Variants in SHOC2 observed in about 807,000 individuals in gnomAD.
SHOC2 encodes leucine-rich repeat protein SHOC-2.
A neutral mutation model predicts 50.2 loss-of-function variants in SHOC2; 4 were observed. The ratio of observed to expected loss-of-function variants is 0.08; its 90% CI spans 0.04 to 0.18. The LOEUF (loss-of-function observed/expected upper bound fraction) is 0.18, where lower values mean the gene tolerates loss of function less well. Among genes scored for constraint, SHOC2 ranks in the 10% least tolerant of loss-of-function variants. The pLI is 1.00. For synonymous variants in SHOC2, 218 were observed against 244.5 expected, an observed-to-expected ratio of 0.89 and a Z score of 1.01; for missense variants, 388 against 669.6, an observed-to-expected ratio of 0.58 and a Z score of 4.64.
At chr10:111,010,545 G>C (rs936080437) in intron 8 of SHOC2, among the ~76,000 whole-genome samples, 1 of 152,092 alleles carries the variant, frequency 6.6e-6, no homozygotes, top group East Asian at 1.9e-4. Flanking sequence ...GGTAGCGGGA[G>C]GGGGGAAGGA....
intron 1 of SHOC2, among the ~76,000 whole-genome samples, chr10:110,959,534 A>G (rs954585436): frequency 2.0e-5 from 3 of 152,146 alleles, no homozygotes; most frequent in Admixed American, 6.5e-5. Context: ...AAATAGTTAG[A>G]TTGTACCTTT....
rs199735735 is a variant in SHOC2, at chr10:110,920,453, T to C, written c.-235+796T>C. On this transcript the variant is annotated intron_variant, in intron 1 of 8. Transcript: ENST00000369452. ...CTCAATATCCATTGTTTTTGTACCATCCCCCTCCCCCCATGCCTAGGTGGA... is the reference window on the plus strand; with the variant it reads ...CTCAATATCCATTGTTTTTGTACCACCCCCCTCCCCCCATGCCTAGGTGGA... Among the ~76,000 whole-genome samples the C allele has an allele frequency of 3.5e-4, 53 of 152,138 alleles. No individual in the cohort carries two copies. In the East Asian group the frequency reaches 9.4e-3, roughly 27 times the overall value.
At chr10:110,972,574 A>G (rs1847802806) in intron 2 of SHOC2, among the ~76,000 whole-genome samples, 1 of 152,144 alleles carries the variant, frequency 6.6e-6, no homozygotes, top group Non-Finnish European at 1.5e-5. Context: ...TAAAGGAGGC[A>G]AAAAAACAAC....
At chr10:110,957,876 CTT>C (rs1847496849) in intron 1 of SHOC2, among the ~76,000 whole-genome samples, 3 of 152,168 alleles carry the variant, frequency 2.0e-5, no homozygotes, top group Admixed American at 1.3e-4. Flanking sequence ...CCTTAGCAAA[CTT>C]TGCCTTTCAT....
chr10:111,012,569 G>A lies in SHOC2; in HGVS notation c.*751G>A, dbSNP rs1848586355. The stretch of plus-strand genomic sequence containing the variant: ...GGGAAGGGTATTGAGACCTTTTCTA[G>A]TATGAATATTTTTTAAGTTTGGGGG... On this transcript the variant is annotated 3_prime_UTR_variant, in exon 9 of 9. Transcript: ENST00000369452. The A allele has an allele frequency of 6.6e-6, 1 of 152,148 alleles. No individual in the cohort carries two copies. Among genetic ancestry groups the A allele is most frequent in the African/African-American group, 2.4e-5 (1 of 41,422 alleles). The allele number at this position is 152,148 out of a possible 1,614,324, so 9.4% of individuals were successfully genotyped here.
At chr10:110,974,296 G>T (rs1378950357) in intron 2 of SHOC2, among the ~76,000 whole-genome samples, 1 of 151,960 alleles carries the variant, frequency 6.6e-6, no homozygotes, top group Non-Finnish European at 1.5e-5. Flanking sequence ...CCAAATATAT[G>T]AGAGAGATTT....
In SHOC2 at chr10:110,964,363, G is replaced by A; in HGVS notation, c.5G>A (p.Ser2Asn). Reference sequence around the variant, plus strand: ...TTTGTCCAGGCTTGAGTCACCATGAGTAGTAGTTTAGGAAAAGAAAAAGAC... The same window carrying A: ...TTTGTCCAGGCTTGAGTCACCATGAATAGTAGTTTAGGAAAAGAAAAAGAC... Reference protein sequence around the residue: MSSSLGKEKDSK... With the variant: MNSSLGKEKDSK... Residue 2 changes from serine (S) to asparagine (N), a missense_variant, in exon 2 of 9, where the codon AGT becomes AAT. Coordinates refer to ENST00000369452, the MANE Select transcript of SHOC2 (RefSeq NM_007373.4). This position sits in a 1 kb window ranked among gnomAD's most constrained non-coding sequence, Gnocchi z 4.9. 1 of 1,613,006 alleles carries A rather than the reference G, an allele frequency of 6.2e-7. No individual in the cohort carries two copies. Among genetic ancestry groups the A allele is most frequent in the Non-Finnish European group, 8.5e-7 (1 of 1,179,518 alleles).
intron 5 of SHOC2, among the ~76,000 whole-genome samples, chr10:111,007,110 A>C (rs1191889276): frequency 6.6e-6 from 1 of 152,102 alleles, no homozygotes; most frequent in East Asian, 1.9e-4. Flanking sequence ...TCCTGAGCTC[A>C]TTCTGGTTTC....
At chr10:110,969,848 C>G (rs1279855084) in intron 2 of SHOC2, among the ~76,000 whole-genome samples, 4 of 152,188 alleles carry the variant, frequency 2.6e-5, no homozygotes, top group Middle Eastern at 3.4e-3. Context: ...GAACCCATAT[C>G]ATTTTCTTCA....
At chr10:110,927,824 GT>G (rs375806993) in intron 1 of SHOC2, among the ~76,000 whole-genome samples, 11 of 152,302 alleles carry the variant, frequency 7.2e-5, no homozygotes, top group African/African-American at 2.6e-4. Flanking sequence ...AATAAATCAA[GT>G]GGTAATGTTT....
rs748279926 is a variant in SHOC2, at chr10:110,937,154, A to T, written c.-235+17497A>T. ...GACCACCACCTTCCGGCCCAGCAGT[A>T]CCTGTTTAGCCACGATGGTCGCCAG... On this transcript the variant is annotated intron_variant, in intron 1 of 8. Transcript: ENST00000369452. 2.6e-6 allele frequency: 4 copies of T among 1,532,916 alleles called. No homozygotes were observed. The East Asian group carries it at 6.8e-5, about 26-fold the overall frequency. 95.0% of individuals were successfully genotyped at this position (1,532,916 alleles called of 1,614,324 possible).
intron 2 of SHOC2, among the ~76,000 whole-genome samples, chr10:110,982,545 A>G (rs570481197): frequency 9.4e-4 from 143 of 152,062 alleles, no homozygotes; most frequent in African/African-American, 3.3e-3. Context: ...AATGATTGCC[A>G]TTCTAACTGG....
At chr10:110,999,475 C>T (rs138429192) in intron 3 of SHOC2, among the ~76,000 whole-genome samples, 332 of 152,136 alleles carry the variant, frequency 2.2e-3, no homozygotes, top group African/African-American at 7.6e-3. Flanking sequence ...CAGTGGCTCA[C>T]GTCTGTAATC....
chr10:110,976,602 A>G (rs906726018), intron 2 of SHOC2, among the ~76,000 whole-genome samples: 2 of 152,122 alleles, frequency 1.3e-5, no homozygotes, highest in African/African-American at 4.8e-5. Flanking sequence ...ATGAGCCACT[A>G]CACCTTGCTG....
intron 1 of SHOC2, among the ~76,000 whole-genome samples, chr10:110,953,362 A>G (rs1847394710): frequency 6.6e-6 from 1 of 152,210 alleles, no homozygotes; most frequent in Non-Finnish European, 1.5e-5. Flanking sequence ...TCTTTGCCAG[A>G]AAGTCTCATA....
At chr10:111,005,624 C>T (rs1179419895) in intron 5 of SHOC2, among the ~76,000 whole-genome samples, 6 of 152,088 alleles carry the variant, frequency 3.9e-5, no homozygotes, top group Non-Finnish European at 5.9e-5. Context: ...GTTTAGAGAT[C>T]AGAATTATTT....
intron 3 of SHOC2, among the ~76,000 whole-genome samples, chr10:110,989,995 G>A (rs1848151294): frequency 6.6e-6 from 1 of 152,098 alleles, no homozygotes; most frequent in Non-Finnish European, 1.5e-5. Flanking sequence ...CAAACTAATT[G>A]GAATGGTAAA....
At chr10:110,993,921 G>A (rs1166148470) in intron 3 of SHOC2, among the ~76,000 whole-genome samples, 1 of 152,142 alleles carries the variant, frequency 6.6e-6, no homozygotes, top group Non-Finnish European at 1.5e-5. Context: ...AAGGGTTATT[G>A]AATGAGGCAT....
intron 3 of SHOC2, among the ~76,000 whole-genome samples, chr10:110,999,736 CAAA>C (rs145780250): frequency 3.7e-5 from 3 of 81,690 alleles, no homozygotes; most frequent in African/African-American, 1.6e-4. Flanking sequence ...GACTCAGTCT[CAAA>C]AAAAAAAAAA....
Sources: gnomAD v4.1 joint callset for allele counts (sites outside exome capture counted in the v4.1 genomes callset) on GRCh38, gnomAD v4.1.1 for gene constraint, Gnocchi (gnomAD v3.1) non-coding constraint, MANE v1.5 for transcripts, NCBI Gene and HGNC (gene_info 2026-07-23, HGNC 2026-07-21) for gene names.